Variants in WDR4 observed in about 807,000 individuals in gnomAD.
The protein encoded by WDR4 is tRNA (guanine-N(7)-)-methyltransferase non-catalytic subunit WDR4.
In WDR4, 47 loss-of-function variants were observed where a neutral mutation model predicts 48.6. The ratio of observed to expected loss-of-function variants is 0.97; its 90% CI spans 0.77 to 1.23. WDR4 has a LOEUF of 1.23. WDR4 is among the 50% of genes most tolerant of loss of function. WDR4 has a pLI of 0.00. For synonymous variants in WDR4, 268 were observed against 230.0 expected (o/e 1.17, Z -1.49); for missense variants, 606 against 551.6 (o/e 1.10, Z -0.99).
intron 3 of WDR4, among the ~76,000 whole-genome samples, chr21:42,867,521 T>C (rs2058275962): frequency 6.6e-6 from 1 of 152,222 alleles, no homozygotes; most frequent in Non-Finnish European, 1.5e-5. Context: ...AAAAGTGCTT[T>C]GCACTTCAGA....
chr21:42,865,272 G>T (rs2058221748), intron 3 of WDR4, among the ~76,000 whole-genome samples: 1 of 152,184 alleles, frequency 6.6e-6, no homozygotes, highest in African/African-American at 2.4e-5. Flanking sequence ...AGAATTCTCA[G>T]GGTGCACTGC....
chr21:42,858,142 A>C (rs1266923193), intron 6 of WDR4, among the ~76,000 whole-genome samples: 2 of 152,222 alleles, frequency 1.3e-5, no homozygotes, highest in East Asian at 3.8e-4. Context: ...CACAAGCTTT[A>C]GAAAAAGTGA....
chr21:42,863,680 C>T, intron 3 of WDR4, 84 bp from the exon 4 acceptor site: 1 of 1,456,832 alleles, frequency 6.9e-7, no homozygotes, highest in Non-Finnish European at 9.3e-7. Flanking sequence ...TGGGCGGTGG[C>T]AGGCACCGGT....
intron 5 of WDR4, 96 bp from the exon 6 acceptor site, chr21:42,859,818 G>A (rs2058076132): frequency 8.8e-6 from 11 of 1,255,096 alleles, no homozygotes; most frequent in Non-Finnish European, 1.1e-5. Context: ...AGGAAGAGAA[G>A]CCTCTGCCCT....
downstream of WDR4, among the ~76,000 whole-genome samples, chr21:42,846,161 T>C (rs1338602559): frequency 2.6e-5 from 4 of 151,436 alleles, no homozygotes; most frequent in Non-Finnish European, 2.9e-5. Context: ...GGTGCCAGCA[T>C]GTTCATCACT....
At chr21:42,890,398 T>C in the WDR4 span, among the ~76,000 whole-genome samples, 1 of 152,096 alleles carries the variant, frequency 6.6e-6, no homozygotes, top group African/African-American at 2.4e-5. Context: ...TAGCTGGGCA[T>C]GGTGGCACAC....
intron 5 of WDR4, among the ~76,000 whole-genome samples, chr21:42,860,973 G>C (rs1367729985): frequency 1.3e-5 from 2 of 152,098 alleles, no homozygotes; most frequent in Non-Finnish European, 1.5e-5. Context: ...CCACACACAG[G>C]GGCCACGGGG....
chr21:42,887,823 C>G, the WDR4 span, among the ~76,000 whole-genome samples: 1 of 151,800 alleles, frequency 6.6e-6, no homozygotes, highest in South Asian at 2.1e-4. Context: ...GAGGCTGAGG[C>G]AGGAGAACTG....
upstream of WDR4, chr21:42,879,999 G>T (rs932495182): frequency 1.0e-5 from 4 of 385,158 alleles, no homozygotes; most frequent in Non-Finnish European, 1.8e-5. Context: ...GCGTGGTGGC[G>T]TGCGACTGTA....
downstream of WDR4, among the ~76,000 whole-genome samples, chr21:42,847,886 A>C (rs2057724926): frequency 6.6e-6 from 1 of 152,190 alleles, no homozygotes; most frequent in Non-Finnish European, 1.5e-5. Context: ...CCTAAAACCA[A>C]GACTTTCAAA....
the WDR4 span, among the ~76,000 whole-genome samples, chr21:42,885,391 A>C: frequency 6.6e-6 from 1 of 151,990 alleles, no homozygotes; most frequent in Non-Finnish European, 1.5e-5. Context: ...CAGGCAGACC[A>C]CCTAAGGTCA....
In WDR4 at chr21:42,850,030, AC is replaced by A. The variant is rs1224995079; in HGVS notation, c.*18del. On this transcript the variant is annotated 3_prime_UTR_variant, in exon 11 of 11. Transcript: ENST00000398208. ...AGCTTTTCCTAATTTGAGGTGAGAGACACCACTGACCGCCACGATCAGCAAC... is the reference window on the plus strand; with the variant it reads ...AGCTTTTCCTAATTTGAGGTGAGAGAACCACTGACCGCCACGATCAGCAAC... The A allele has an allele frequency of 6.2e-7, 1 of 1,610,182 alleles. No individual in the cohort carries two copies. The highest frequency in any genetic ancestry group is 8.5e-7 in the Non-Finnish European group (1 of 1,179,010).
chr21:42,849,960 T>C lies in WDR4; in HGVS notation c.*89A>G. On this transcript the variant is annotated 3_prime_UTR_variant, in exon 11 of 11. Transcript: ENST00000398208. The stretch of plus-strand genomic sequence containing the variant: ...GCTGGTCACAACTGATGTCACCTTT[T>C]CCTTCTTGAAGGGACATGCCAGGAT... 5.9e-6 allele frequency: 9 copies of C among 1,534,480 alleles called. No homozygotes were observed. Among genetic ancestry groups the C allele is most frequent in the Non-Finnish European group, 6.2e-6 (7 of 1,125,518 alleles).
downstream of WDR4, among the ~76,000 whole-genome samples, chr21:42,846,155 C>T (rs1297683379): frequency 1.3e-5 from 2 of 151,996 alleles, no homozygotes; most frequent in Non-Finnish European, 2.9e-5. Flanking sequence ...AAGACAGGTG[C>T]CAGCATGTTC....
intron 6 of WDR4, among the ~76,000 whole-genome samples, chr21:42,857,350 C>T (rs1413381448): frequency 6.6e-6 from 1 of 152,032 alleles, no homozygotes. Flanking sequence ...ACACGTTCTA[C>T]GGAGTCCACA....
chr21:42,881,933 C>G (rs1176515916), upstream of WDR4, among the ~76,000 whole-genome samples: 1 of 152,164 alleles, frequency 6.6e-6, no homozygotes, highest in Non-Finnish European at 1.5e-5. Context: ...TCCCAAGTAG[C>G]TGGAATTACA....
At chr21:42,890,826 T>C in the WDR4 span, among the ~76,000 whole-genome samples, 3 of 152,038 alleles carry the variant, frequency 2.0e-5, no homozygotes, top group African/African-American at 7.3e-5. Flanking sequence ...GCCTCTGCTT[T>C]TTTTATTTTA....
upstream of WDR4, among the ~76,000 whole-genome samples, chr21:42,880,117 C>T (rs1205406518): frequency 6.8e-6 from 1 of 148,104 alleles, no homozygotes; most frequent in African/African-American, 2.5e-5. Flanking sequence ...GGCGACAGAG[C>T]GAGACTCTCT....
chr21:42,860,149 G>C (rs1041523874), intron 5 of WDR4, among the ~76,000 whole-genome samples: 1 of 152,062 alleles, frequency 6.6e-6, no homozygotes, highest in Non-Finnish European at 1.5e-5. Flanking sequence ...TCAAAGACAC[G>C]GGGGAGACTC....
Sources: allele counts gnomAD v4.1 joint callset (sites outside exome capture counted in the v4.1 genomes callset), GRCh38; gene constraint gnomAD v4.1.1; transcripts MANE v1.5; gene names NCBI Gene and HGNC (gene_info 2026-07-23, HGNC 2026-07-21).